PTPRO: variants seen among roughly 807,000 people sequenced by gnomAD.
PTPRO encodes protein tyrosine phosphatase receptor type O.
In PTPRO, 62 loss-of-function variants were observed where a neutral mutation model predicts 145.2. The ratio of observed to expected loss-of-function variants is 0.43; its 90% confidence interval spans 0.35 to 0.53. The LOEUF (loss-of-function observed/expected upper bound fraction) is 0.53. Among genes scored for constraint, PTPRO ranks in the 20% least tolerant of loss-of-function variants. The pLI, the probability that PTPRO is intolerant of heterozygous loss-of-function variation, is 0.01. For synonymous variants in PTPRO, 565 were observed against 514.7 expected, an observed-to-expected ratio of 1.10 and a Z score of -1.32; for missense variants, 1,345 against 1,482.7, an observed-to-expected ratio of 0.91 and a Z score of 1.53.
At chr12:15,561,602 C>T (rs1943774320) in intron 17 of PTPRO, among the ~76,000 whole-genome samples, 1 of 152,074 alleles carries the variant, frequency 6.6e-6, no homozygotes, top group Non-Finnish European at 1.5e-5. Flanking sequence ...GGCTTCAGCA[C>T]AGTCAACTCC....
At chr12:15,449,250 G>A (rs967198080) in intron 1 of PTPRO, among the ~76,000 whole-genome samples, 3 of 152,236 alleles carry the variant, frequency 2.0e-5, no homozygotes, top group African/African-American at 7.2e-5. Flanking sequence ...AGTGGCTGAA[G>A]TATGGCCACT....
At chr12:15,360,945 C>CGTGTATACACACACACATATATACACAT (rs1938182891) in intron 1 of PTPRO, among the ~76,000 whole-genome samples, 2 of 119,270 alleles carry the variant, frequency 1.7e-5, no homozygotes, top group Non-Finnish European at 3.7e-5. Flanking sequence ...TATATACACA[C>CGTGTATACACACACACATATATACACAT]GTGTATATAC....
At chr12:15,400,290 T>C (rs1404923608) in intron 1 of PTPRO, among the ~76,000 whole-genome samples, 4 of 151,768 alleles carry the variant, frequency 2.6e-5, no homozygotes. Flanking sequence ...TGTGCCAATG[T>C]GCCCCATTTT....
At position 15,526,651 on chromosome 12, in the gene PTPRO, C is replaced by T. The variant is rs145974439; in HGVS notation, c.2164+389C>T. Among the ~76,000 whole-genome samples, 736 of 152,166 alleles carry T rather than the reference C, an allele frequency of 4.8e-3. 6 individuals carry two copies. The highest frequency in any genetic ancestry group is 0.017 in the African/African-American group (707 of 41,528). On this transcript the variant is annotated intron_variant, in intron 12 of 26. Coordinates refer to ENST00000281171, the MANE Select transcript of PTPRO (RefSeq NM_030667.3). ...AAATAGTAATGGATTTAAAAATCTA[C>T]ATATTGATTTTTTAAATTTTATATA...
intron 10 of PTPRO, among the ~76,000 whole-genome samples, chr12:15,522,248 T>C (rs1942738364): frequency 1.4e-5 from 1 of 71,990 alleles, no homozygotes; most frequent in Non-Finnish European, 2.5e-5. Flanking sequence ...TTTAACCTTC[T>C]TTTTTTTTTT....
chr12:15,487,160 C>T (rs1392882945), intron 2 of PTPRO, among the ~76,000 whole-genome samples: 1 of 152,080 alleles, frequency 6.6e-6, no homozygotes, highest in Non-Finnish European at 1.5e-5. Flanking sequence ...GGATGTTCTT[C>T]GTTCTCGTGG....
intron 1 of PTPRO, among the ~76,000 whole-genome samples, chr12:15,378,973 T>G (rs2136271602): frequency 6.6e-6 from 1 of 152,126 alleles, no homozygotes; most frequent in African/African-American, 2.4e-5. Context: ...AAAATTACAA[T>G]GAGATACAAC....
intron 1 of PTPRO, among the ~76,000 whole-genome samples, chr12:15,416,721 CT>C (rs35515527): frequency 0.37 from 52,828 of 141,806 alleles, 10,046 homozygotes; most frequent in Middle Eastern, 0.41. Context: ...CCACTTCCTT[CT>C]TTTTTTTTTT....
chr12:15,516,706 TTGC>T, intron 8 of PTPRO, 54 bp from the exon 9 acceptor site: 1 of 1,474,304 alleles, frequency 6.8e-7, no homozygotes, highest in Non-Finnish European at 9.5e-7. Flanking sequence ...TTTGAGGCCA[TTGC>T]TAAGACATTC....
At chr12:15,325,033 G>T (rs1367767419) in intron 1 of PTPRO, among the ~76,000 whole-genome samples, 2 of 152,136 alleles carry the variant, frequency 1.3e-5, no homozygotes, top group Admixed American at 6.5e-5. Flanking sequence ...ACTGCTAACT[G>T]TATCTCAATA....
At chr12:15,343,998 T>G (rs755132006) in intron 1 of PTPRO, among the ~76,000 whole-genome samples, 2 of 152,238 alleles carry the variant, frequency 1.3e-5, no homozygotes, top group African/African-American at 4.8e-5. Flanking sequence ...ATAAACAATC[T>G]TTTTAAGAAA....
intron 1 of PTPRO, among the ~76,000 whole-genome samples, chr12:15,427,017 G>A (rs1052298655): frequency 6.6e-6 from 1 of 152,010 alleles, no homozygotes; most frequent in Non-Finnish European, 1.5e-5. Flanking sequence ...ACACAGCGTA[G>A]CAGGTCAGAA....
At position 15,472,042 on chromosome 12, in the gene PTPRO, T is replaced by C. The variant is rs893580276; in HGVS notation, c.76-11932T>C. Among the ~76,000 whole-genome samples, 11 of 152,236 alleles carry C rather than the reference T, an allele frequency of 7.2e-5. 1 individual carries two copies. The highest frequency in any genetic ancestry group is 2.7e-4 in the African/African-American group (11 of 41,474). On this transcript the variant is annotated intron_variant, in intron 1 of 26. Transcript: ENST00000281171. Reference sequence around the variant, plus strand: ...CAGAGAATCATGGCCATAAGTGCTATGTAAGCACCAAACATCATTAATATT... The same window carrying C: ...CAGAGAATCATGGCCATAAGTGCTACGTAAGCACCAAACATCATTAATATT...
chr12:15,343,729 C>CT (rs2136220108), intron 1 of PTPRO, among the ~76,000 whole-genome samples: 1 of 152,284 alleles, frequency 6.6e-6, no homozygotes, highest in African/African-American at 2.4e-5. Context: ...AGTCTGGAGT[C>CT]TCGCTCTGTC....
chr12:15,403,632 T>G (rs1305601047), intron 1 of PTPRO, among the ~76,000 whole-genome samples: 2 of 152,132 alleles, frequency 1.3e-5, no homozygotes, highest in African/African-American at 4.8e-5. Context: ...TTCAGCTTAA[T>G]TATCCCCTGT....
intron 1 of PTPRO, among the ~76,000 whole-genome samples, chr12:15,347,298 C>A (rs543887040): frequency 1.3e-5 from 2 of 152,254 alleles, no homozygotes; most frequent in Middle Eastern, 3.4e-3. Context: ...GTAGTTGATT[C>A]TTTTCCTTCT....
chr12:15,346,751 G>A (rs1025306400), intron 1 of PTPRO: 19 of 152,196 alleles, frequency 1.2e-4, no homozygotes, highest in African/African-American at 4.3e-4. Context: ...TTAGTTAAAG[G>A]ATAATGGAAT....
At chr12:15,539,075 A>C (rs1472244428) in intron 12 of PTPRO, among the ~76,000 whole-genome samples, 1 of 152,192 alleles carries the variant, frequency 6.6e-6, no homozygotes, top group Non-Finnish European at 1.5e-5. Context: ...TAAAAATGCT[A>C]AGTAAAAGCA....
rs200740319 is a variant in PTPRO, at chr12:15,451,985, TAACTA to T, written c.76-31987_76-31983del. On this transcript the variant is annotated intron_variant, in intron 1 of 26. Transcript: ENST00000281171. ...CTCAAACCTAGCAGAAGAAAGGAAA[TAACTA>T]AGATAAGAGTAGAACTGAATGAAGT... Among the ~76,000 whole-genome samples the T allele has an allele frequency of 3.0e-3, 459 of 151,580 alleles. 6 individuals carry two copies. Among genetic ancestry groups the T allele is most frequent in the Non-Finnish European group, 7.8e-4 (53 of 67,842 alleles).
Sources: allele counts gnomAD v4.1 joint callset (sites outside exome capture counted in the v4.1 genomes callset), GRCh38; gene constraint gnomAD v4.1.1; transcripts MANE v1.5; gene names NCBI Gene and HGNC (gene_info 2026-07-23, HGNC 2026-07-21).